LYPLAL1: variants seen among roughly 807,000 people sequenced by gnomAD.
The protein encoded by LYPLAL1 is lysophospholipase like 1, also known as lysophospholipase-like protein 1.
Under a neutral mutation model 19.7 loss-of-function variants are expected in LYPLAL1, and 23 were observed. The observed-to-expected ratio is 1.17, with a 90% CI of 0.84 to 1.65. The LOEUF (loss-of-function observed/expected upper bound fraction) is 1.65, where lower values mean the gene tolerates loss of function less well. Ranked by LOEUF, LYPLAL1 falls within the 40% of genes most tolerant of loss-of-function variation. The pLI is 0.00. For missense variants in LYPLAL1, 355 were observed against 279.4 expected (o/e 1.27, Z -1.93); for synonymous variants, 119 against 96.3 (o/e 1.24, Z -1.38).
chr1:219,381,803 G>C, the LYPLAL1 span, among the ~76,000 whole-genome samples: 27 of 152,236 alleles, frequency 1.8e-4, no homozygotes, highest in Non-Finnish European at 3.4e-4. Context: ...TGATACTAAA[G>C]ATACAAAAAA....
chr1:219,227,849 C>G, the LYPLAL1 span, among the ~76,000 whole-genome samples: 2 of 152,060 alleles, frequency 1.3e-5, no homozygotes, highest in African/African-American at 4.8e-5. Flanking sequence ...GGATGCTTTG[C>G]AACAGCATGT....
the LYPLAL1 span, among the ~76,000 whole-genome samples, chr1:219,250,722 G>T: frequency 6.6e-6 from 1 of 151,972 alleles, no homozygotes. Flanking sequence ...TGTTTAGGTT[G>T]ATTTCACGTC....
At chr1:219,230,584 T>G in the LYPLAL1 span, among the ~76,000 whole-genome samples, 2 of 152,230 alleles carry the variant, frequency 1.3e-5, no homozygotes, top group Non-Finnish European at 2.9e-5. Context: ...CAAGCTAATC[T>G]TATGGCATTA....
the LYPLAL1 span, among the ~76,000 whole-genome samples, chr1:219,405,195 G>A: frequency 9.9e-5 from 15 of 152,214 alleles, no homozygotes; most frequent in East Asian, 2.5e-3. Flanking sequence ...TCCCTCTTCT[G>A]CATTAACAGC....
At chr1:219,409,658 T>C in the LYPLAL1 span, 3 of 152,254 alleles carry the variant, frequency 2.0e-5, no homozygotes, top group Non-Finnish European at 4.4e-5. Context: ...GATGGGTCTC[T>C]TCAAATGGTT....
chr1:219,375,917 A>G, the LYPLAL1 span, among the ~76,000 whole-genome samples: 1 of 151,768 alleles, frequency 6.6e-6, no homozygotes, highest in African/African-American at 2.4e-5. Context: ...AACTTTTTGT[A>G]CTTTTAGTAG....
the LYPLAL1 span, among the ~76,000 whole-genome samples, chr1:219,348,344 C>A: frequency 6.6e-6 from 1 of 152,154 alleles, no homozygotes; most frequent in African/African-American, 2.4e-5. Flanking sequence ...AACGTGGGAG[C>A]AAAGTAGCAA....
chr1:219,214,039 A>G (rs753240409), downstream of LYPLAL1, among the ~76,000 whole-genome samples: 3 of 152,226 alleles, frequency 2.0e-5, no homozygotes, highest in Admixed American at 6.5e-5. Flanking sequence ...ATACATGTCC[A>G]TTATCAAATT....
the LYPLAL1 span, among the ~76,000 whole-genome samples, chr1:219,270,356 A>G: frequency 1.3e-5 from 2 of 152,236 alleles, no homozygotes; most frequent in African/African-American, 2.4e-5. Context: ...CTGCTTTTGC[A>G]GTGAAATACA....
At chr1:219,199,525 C>T (rs753618961) in intron 3 of LYPLAL1, among the ~76,000 whole-genome samples, 4 of 151,852 alleles carry the variant, frequency 2.6e-5, no homozygotes, top group Non-Finnish European at 5.9e-5. Flanking sequence ...TCACTGCAAC[C>T]TCCACCTCCT....
chr1:219,425,298 A>T, the LYPLAL1 span, among the ~76,000 whole-genome samples: 2 of 152,152 alleles, frequency 1.3e-5, no homozygotes, highest in Non-Finnish European at 2.9e-5. Flanking sequence ...TTTGGGGGAG[A>T]CATAAACACT....
the LYPLAL1 span, among the ~76,000 whole-genome samples, chr1:219,349,619 ATG>A: frequency 6.6e-6 from 1 of 152,116 alleles, no homozygotes; most frequent in African/African-American, 2.4e-5. Flanking sequence ...TCATGTGCAT[ATG>A]TGTGTATGCA....
the LYPLAL1 span, among the ~76,000 whole-genome samples, chr1:219,304,238 TTAATA>T: frequency 6.6e-6 from 1 of 152,250 alleles, no homozygotes; most frequent in Non-Finnish European, 1.5e-5. Flanking sequence ...AAATCATATC[TTAATA>T]TATTTGTGGT....
chr1:219,313,753 T>A, the LYPLAL1 span, among the ~76,000 whole-genome samples: 7 of 152,248 alleles, frequency 4.6e-5, no homozygotes, highest in East Asian at 1.4e-3. Context: ...CAGGCTGGTC[T>A]CCAACTCCTG....
the LYPLAL1 span, among the ~76,000 whole-genome samples, chr1:219,351,999 T>G: frequency 6.6e-6 from 1 of 152,212 alleles, no homozygotes; most frequent in Non-Finnish European, 1.5e-5. Flanking sequence ...GCATGTTAGA[T>G]TTTTGTAAAT....
the LYPLAL1 span, among the ~76,000 whole-genome samples, chr1:219,243,818 C>G: frequency 6.6e-6 from 1 of 150,772 alleles, no homozygotes; most frequent in Non-Finnish European, 1.5e-5. Context: ...ACTTGGGAGG[C>G]TGAGACAGGA....
At chr1:219,425,737 C>A in the LYPLAL1 span, among the ~76,000 whole-genome samples, 2 of 152,168 alleles carry the variant, frequency 1.3e-5, no homozygotes, top group East Asian at 1.9e-4. Flanking sequence ...TGATCAAATG[C>A]ATTTATTATC....
the LYPLAL1 span, among the ~76,000 whole-genome samples, chr1:219,406,281 T>A: frequency 6.6e-6 from 1 of 152,236 alleles, no homozygotes; most frequent in Non-Finnish European, 1.5e-5. Context: ...AAAGGGAAGC[T>A]TTGAAACTGA....
At chr1:219,204,492 A>G (rs971776809) in intron 3 of LYPLAL1, among the ~76,000 whole-genome samples, 1 of 152,228 alleles carries the variant, frequency 6.6e-6, no homozygotes, top group Non-Finnish European at 1.5e-5. Context: ...GGAGAAAGGT[A>G]TATCATTTTT....
Sources: gnomAD v4.1 joint callset for allele counts (sites outside exome capture counted in the v4.1 genomes callset) on GRCh38, gnomAD v4.1.1 for gene constraint, MANE v1.5 for transcripts, NCBI Gene and HGNC (gene_info 2026-07-23, HGNC 2026-07-21) for gene names.